SLC8A1: variants seen among roughly 807,000 people sequenced by gnomAD.
SLC8A1 encodes the protein sodium/calcium exchanger 1.
A neutral mutation model predicts 68.3 loss-of-function variants in SLC8A1; 18 were observed. That is an observed-to-expected ratio of 0.26 (90% CI 0.18 to 0.39). SLC8A1 has a LOEUF of 0.39. Among genes scored for constraint, SLC8A1 ranks in the 10% least tolerant of loss-of-function variants. SLC8A1 has a pLI of 1.00. For synonymous variants in SLC8A1, 475 were observed against 415.5 expected, an observed-to-expected ratio of 1.14 and a Z score of -1.74; for missense variants, 985 against 1,156.7, an observed-to-expected ratio of 0.85 and a Z score of 2.15.
intron 2 of SLC8A1, among the ~76,000 whole-genome samples, chr2:40,339,889 T>C (rs1036353127): frequency 6.6e-6 from 1 of 152,240 alleles, no homozygotes; most frequent in African/African-American, 2.4e-5. Context: ...ATGTATCCTA[T>C]TGCATACCTA....
intron 1 of SLC8A1, among the ~76,000 whole-genome samples, chr2:40,445,763 A>G (rs1468768446): frequency 1.3e-5 from 2 of 152,214 alleles, no homozygotes; most frequent in Non-Finnish European, 2.9e-5. Context: ...TGACTGCCCA[A>G]CACTGATTCA....
At chr2:40,461,086 G>A (rs576504321) in intron 1 of SLC8A1, among the ~76,000 whole-genome samples, 4 of 152,168 alleles carry the variant, frequency 2.6e-5, no homozygotes, top group East Asian at 1.9e-4. Context: ...TCCTATTACC[G>A]CTCAGCTTAA....
chr2:40,293,587 A>C (rs2069740153), intron 2 of SLC8A1, among the ~76,000 whole-genome samples: 1 of 152,122 alleles, frequency 6.6e-6, no homozygotes, highest in African/African-American at 2.4e-5. Context: ...TGAGGGACTT[A>C]ATATCTAGCT....
exon 8 of SLC8A1, chr2:40,107,898 C>G (rs778470010): frequency 6.6e-6 from 1 of 152,094 alleles, no homozygotes; most frequent in South Asian, 2.1e-4. Context: ...AAATTTTTCA[C>G]CAGTTGGAAT....
At chr2:40,351,374 A>T (rs1671025214) in intron 2 of SLC8A1, among the ~76,000 whole-genome samples, 1 of 152,046 alleles carries the variant, frequency 6.6e-6, no homozygotes, top group South Asian at 2.1e-4. Context: ...AGTTCAAGGG[A>T]TGGAGAATGT....
intron 2 of SLC8A1, among the ~76,000 whole-genome samples, chr2:40,234,309 C>T (rs1273869301): frequency 6.6e-6 from 1 of 151,440 alleles, no homozygotes; most frequent in Non-Finnish European, 1.5e-5. Flanking sequence ...TGAAGAGGTC[C>T]TTCACATCCC....
In SLC8A1 at chr2:40,199,878, G is replaced by A. The variant is rs1215615235; in HGVS notation, c.1809-22023C>T. ...CTCATCAGTGGCCATATTTGGCAAA[G>A]GCAAGACTCTCTTCCCCCAATTCAT... is the stretch of plus-strand genomic sequence containing the variant. On this transcript the variant is annotated intron_variant, in intron 2 of 7. Transcript: ENST00000406785. Among the ~76,000 whole-genome samples the A allele has an allele frequency of 4.0e-5, 6 of 151,294 alleles. No individual in the cohort carries two copies. In the Admixed American group the frequency reaches 4.0e-4, roughly 10 times the overall value.
At chr2:40,167,528 A>G (rs2046752618) in intron 4 of SLC8A1, among the ~76,000 whole-genome samples, 1 of 152,234 alleles carries the variant, frequency 6.6e-6, no homozygotes, top group African/African-American at 2.4e-5. Context: ...AATGACAAAA[A>G]TTAAGAAATA....
intron 2 of SLC8A1, among the ~76,000 whole-genome samples, chr2:40,320,204 T>C (rs2075022694): frequency 6.6e-6 from 1 of 152,194 alleles, no homozygotes; most frequent in South Asian, 2.1e-4. Flanking sequence ...CATTTGTAAA[T>C]ACACATACAT....
chr2:40,279,653 A>G (rs1309687402), intron 2 of SLC8A1, among the ~76,000 whole-genome samples: 1 of 152,212 alleles, frequency 6.6e-6, no homozygotes, highest in Non-Finnish European at 1.5e-5. Context: ...TCTCTTCCCA[A>G]GTGTGCTCTG....
At chr2:40,122,239 C>T (rs549081873) in intron 7 of SLC8A1, among the ~76,000 whole-genome samples, 9 of 150,830 alleles carry the variant, frequency 6.0e-5, no homozygotes, top group Admixed American at 5.9e-4. Flanking sequence ...TGCGCGCGCA[C>T]ACACACACAC....
intron 2 of SLC8A1, among the ~76,000 whole-genome samples, chr2:40,263,401 C>A (rs1315525422): frequency 1.3e-5 from 2 of 152,134 alleles, no homozygotes; most frequent in African/African-American, 2.4e-5. Context: ...CCAAGTCAAC[C>A]CCAAGCCAAA....
At chr2:40,485,699 CT>C (rs1704925109) in intron 1 of SLC8A1, among the ~76,000 whole-genome samples, 1 of 152,056 alleles carries the variant, frequency 6.6e-6, no homozygotes, top group South Asian at 2.1e-4. Context: ...AAACTCTTGC[CT>C]TCTAGAGTAA....
chr2:40,251,794 CG>C (rs2062795844), intron 2 of SLC8A1: 1 of 152,112 alleles, frequency 6.6e-6, no homozygotes, highest in African/African-American at 2.4e-5. Flanking sequence ...ATATGACTTT[CG>C]TCTCTCTATT....
At chr2:40,357,030 G>A (rs1292355401) in intron 2 of SLC8A1, among the ~76,000 whole-genome samples, 2 of 152,144 alleles carry the variant, frequency 1.3e-5, no homozygotes, top group African/African-American at 4.8e-5. Flanking sequence ...CAGTCTGCCA[G>A]TTACATCTGC....
At chr2:40,381,133 A>G (rs1681632911) in intron 2 of SLC8A1, among the ~76,000 whole-genome samples, 2 of 152,042 alleles carry the variant, frequency 1.3e-5, no homozygotes, top group South Asian at 4.1e-4. Flanking sequence ...ATCCACAACA[A>G]CAACCTCAGC....
intron 2 of SLC8A1, among the ~76,000 whole-genome samples, chr2:40,255,472 C>CTA (rs2063759788): frequency 6.6e-6 from 1 of 152,204 alleles, no homozygotes; most frequent in Non-Finnish European, 1.5e-5. Context: ...AACATCTCCA[C>CTA]TATCATCAAA....
At chr2:40,463,011 T>TG (rs1703435276) in intron 1 of SLC8A1, among the ~76,000 whole-genome samples, 1 of 138,082 alleles carries the variant, frequency 7.2e-6, no homozygotes, top group Admixed American at 7.3e-5. Context: ...GAATTATCAG[T>TG]GAAAAAAAAA....
chr2:40,274,017 C>G (rs1171349064), intron 2 of SLC8A1, among the ~76,000 whole-genome samples: 1 of 151,634 alleles, frequency 6.6e-6, no homozygotes, highest in African/African-American at 2.4e-5. Context: ...TCTCCACAGC[C>G]CCAGCTGCAG....
Sources: allele counts gnomAD v4.1 joint callset (sites outside exome capture counted in the v4.1 genomes callset), GRCh38; gene constraint gnomAD v4.1.1; transcripts MANE v1.5; gene names NCBI Gene and HGNC (gene_info 2026-07-23, HGNC 2026-07-21).